RNLS: variants seen among roughly 807,000 people sequenced by gnomAD.
RNLS encodes the protein renalase, FAD dependent amine oxidase.
Under a neutral mutation model 39.8 loss-of-function variants are expected in RNLS, and 39 were observed. That is an observed-to-expected ratio of 0.98 (90% CI 0.76 to 1.28). The LOEUF (loss-of-function observed/expected upper bound fraction) is 1.28. Ranked by LOEUF, RNLS falls within the 50% of genes most tolerant of loss-of-function variation. The pLI is 0.00. For synonymous variants in RNLS, 147 were observed against 150.7 expected (o/e 0.98, Z 0.18); for missense variants, 410 against 413.3 (o/e 0.99, Z 0.07).
intron 4 of RNLS, among the ~76,000 whole-genome samples, chr10:88,525,093 G>A (rs1847035778): frequency 6.7e-6 from 1 of 150,092 alleles, no homozygotes; most frequent in Admixed American, 6.7e-5. Context: ...GTTATCTGGA[G>A]CATAAAATAC....
Position 88,284,337 on chromosome 10 carries a change from T to C in RNLS, c.*1017A>G, listed in dbSNP as rs906917585. 1.0e-6 allele frequency: 1 copy of C among 985,392 alleles called. No homozygotes were observed. The highest frequency in any genetic ancestry group is 1.2e-6 in the Non-Finnish European group (1 of 829,898). 61.0% of individuals were successfully genotyped at this position (985,392 alleles called of 1,614,324 possible). A position where few individuals can be genotyped will look rare whatever the true frequency, so the allele number is the denominator to read the frequency against. ...AATGATTTTTCTCCTTTCAAAATGC[T>C]GAAATAGAACTCATCATTTTGCTTT... On this transcript the variant is annotated 3_prime_UTR_variant, in exon 7 of 7. Coordinates refer to ENST00000331772, the MANE Select transcript of RNLS (RefSeq NM_001031709.3).
intron 4 of RNLS, among the ~76,000 whole-genome samples, chr10:88,464,836 T>C (rs913600892): frequency 6.6e-6 from 1 of 152,040 alleles, no homozygotes; most frequent in Non-Finnish European, 1.5e-5. Context: ...GCTGCCAAAC[T>C]AAATGCTGAA....
chr10:88,495,835 T>G (rs1454076511), intron 4 of RNLS, among the ~76,000 whole-genome samples: 2 of 152,134 alleles, frequency 1.3e-5, no homozygotes, highest in African/African-American at 4.8e-5. Context: ...TTTAGGAATA[T>G]GCATCTCAGC....
intron 4 of RNLS, among the ~76,000 whole-genome samples, chr10:88,370,419 C>T (rs1850460273): frequency 6.6e-6 from 1 of 152,074 alleles, no homozygotes; most frequent in African/African-American, 2.4e-5. Flanking sequence ...AAGCTCCCAC[C>T]AGAAGTTTTG....
downstream of RNLS, among the ~76,000 whole-genome samples, chr10:88,280,773 T>C (rs1842983267): frequency 6.6e-6 from 1 of 152,196 alleles, no homozygotes; most frequent in African/African-American, 2.4e-5. Context: ...CTCATATGCA[T>C]AGTTGTCTTT....
intron 4 of RNLS, among the ~76,000 whole-genome samples, chr10:88,410,216 T>C (rs946724676): frequency 2.0e-5 from 3 of 152,156 alleles, no homozygotes; most frequent in South Asian, 4.1e-4. Context: ...TTAAATAAGT[T>C]TTTAAAAATA....
chr10:88,523,242 A>G (rs998224287), intron 4 of RNLS, among the ~76,000 whole-genome samples: 2 of 152,136 alleles, frequency 1.3e-5, no homozygotes, highest in Non-Finnish European at 2.9e-5. Flanking sequence ...GTTTCCTTAA[A>G]TAAAATAATG....
chr10:88,214,997 A>T, the RNLS span, among the ~76,000 whole-genome samples: 1 of 152,114 alleles, frequency 6.6e-6, no homozygotes, highest in Non-Finnish European at 1.5e-5. Flanking sequence ...TCTCTTTGCT[A>T]TCCTAATCCT....
At chr10:88,396,906 A>C (rs925656531) in intron 4 of RNLS, among the ~76,000 whole-genome samples, 2 of 151,966 alleles carry the variant, frequency 1.3e-5, no homozygotes, top group East Asian at 1.9e-4. Context: ...ATAATAATAA[A>C]AGGGTTAATC....
At chr10:88,218,204 C>T in the RNLS span, among the ~76,000 whole-genome samples, 2,584 of 152,336 alleles carry the variant, frequency 0.017, 43 homozygotes, top group Middle Eastern at 0.061. Flanking sequence ...AAAGGCAGTG[C>T]CTCCTCCATG....
rs1033800560 is a variant in RNLS at position 88,577,529 on chromosome 10, C to T, written c.367+4038G>A. ...GAAAATTTACTGTGAGAATTAGAAACTACATACGTAAAGTACCTCAGGTAG... is the reference window on the plus strand; with the variant it reads ...GAAAATTTACTGTGAGAATTAGAAATTACATACGTAAAGTACCTCAGGTAG... On this transcript the variant is annotated intron_variant, in intron 3 of 6. Transcript: ENST00000331772. Among the ~76,000 whole-genome samples the T allele has an allele frequency of 6.6e-5, 10 of 152,230 alleles. No individual in the cohort carries two copies. The South Asian group carries it at 2.1e-3, about 32-fold the overall frequency.
At chr10:88,323,041 A>C (rs1472363620) in intron 5 of RNLS, among the ~76,000 whole-genome samples, 1 of 152,180 alleles carries the variant, frequency 6.6e-6, no homozygotes, top group Non-Finnish European at 1.5e-5. Context: ...TACATTTGCC[A>C]CAAAAAATAC....
chr10:88,293,247 T>A (rs1843808201), intron 6 of RNLS, among the ~76,000 whole-genome samples: 1 of 152,206 alleles, frequency 6.6e-6, no homozygotes, highest in Non-Finnish European at 1.5e-5. Context: ...GTATTGACCA[T>A]ACTGGCAATA....
intron 4 of RNLS, among the ~76,000 whole-genome samples, chr10:88,570,993 T>C (rs1252003153): frequency 2.6e-5 from 4 of 151,142 alleles, no homozygotes; most frequent in Non-Finnish European, 5.9e-5. Context: ...TGGTTTGTTT[T>C]TTTTTTTTGA....
At chr10:88,307,652 C>T (rs563145739) in intron 6 of RNLS, among the ~76,000 whole-genome samples, 38 of 152,132 alleles carry the variant, frequency 2.5e-4, no homozygotes, top group Non-Finnish European at 4.7e-4. Context: ...AGGAGAACTA[C>T]AAAACACTGC....
intron 4 of RNLS, among the ~76,000 whole-genome samples, chr10:88,544,238 A>G (rs1337923740): frequency 6.6e-6 from 1 of 152,168 alleles, no homozygotes; most frequent in African/African-American, 2.4e-5. Context: ...CTTTTCATTC[A>G]GAGAGAGAGA....
At chr10:88,351,340 T>G (rs951685035) in intron 5 of RNLS, among the ~76,000 whole-genome samples, 4 of 152,212 alleles carry the variant, frequency 2.6e-5, no homozygotes, top group East Asian at 1.9e-4. Context: ...CTATGTTTTC[T>G]TCTATGGTTT....
chr10:88,532,813 A>G (rs1847510240), intron 4 of RNLS, among the ~76,000 whole-genome samples: 1 of 152,078 alleles, frequency 6.6e-6, no homozygotes, highest in African/African-American at 2.4e-5. Flanking sequence ...GAAAATAGAG[A>G]TGGCAGAGAA....
intron 4 of RNLS, among the ~76,000 whole-genome samples, chr10:88,531,406 T>C (rs2134241717): frequency 6.6e-6 from 1 of 152,232 alleles, no homozygotes; most frequent in South Asian, 2.1e-4. Flanking sequence ...AAATTGAATT[T>C]GAGCATTTGA....
Sources: allele counts gnomAD v4.1 joint callset (sites outside exome capture counted in the v4.1 genomes callset), GRCh38; gene constraint gnomAD v4.1.1; transcripts MANE v1.5; gene names NCBI Gene and HGNC (gene_info 2026-07-23, HGNC 2026-07-21).